The following FHL1 variants were observed in gnomAD, a reference collection of about 807,000 sequenced individuals.
FHL1 encodes four and a half LIM domains protein 1.
In FHL1, 1 loss-of-function variant was observed where a neutral mutation model predicts 20.3. The ratio of observed to expected loss-of-function variants is 0.05; its 90% CI spans 0.02 to 0.23. FHL1 has a LOEUF of 0.23. FHL1 is among the 10% of genes least tolerant of loss of function. The pLI is 1.00. For synonymous variants in FHL1, 82 were observed against 88.9 expected (o/e 0.92, Z 0.44); for missense variants, 177 against 234.0 (o/e 0.76, Z 1.59).
chrX:136,177,717 T>C (rs1402133203), intron 2 of FHL1, among the ~76,000 whole-genome samples: 7 of 112,139 alleles, frequency 6.2e-5, no homozygotes, highest in African/African-American at 2.3e-4. Flanking sequence ...GTATAAAATA[T>C]TAGAGTTCAG....
At chrX:136,151,558 A>G (rs1168879844) in intron 1 of FHL1, among the ~76,000 whole-genome samples, 1 of 111,492 alleles carries the variant, frequency 9.0e-6, no homozygotes, top group East Asian at 2.8e-4. Context: ...CTAAAAATAC[A>G]AAGAATTAGC....
intron 1 of FHL1, among the ~76,000 whole-genome samples, chrX:136,149,712 C>G (rs1050318346): frequency 9.0e-6 from 1 of 111,320 alleles, no homozygotes; most frequent in Non-Finnish European, 1.9e-5. Flanking sequence ...TAAAATTCCT[C>G]CTGTATAATA....
upstream of FHL1, chrX:136,196,614 G>A: frequency 2.4e-6 from 1 of 421,386 alleles, no homozygotes; most frequent in Non-Finnish European, 4.1e-6. Flanking sequence ...TATTCATACT[G>A]TCTAATCTCC....
chrX:136,207,516 GA>G, intron 3 of FHL1: 1 of 428,836 alleles, frequency 2.3e-6, no homozygotes, highest in Middle Eastern at 3.6e-4. Context: ...GGCAGTCCCT[GA>G]TTTAATGTCT....
At chrX:136,206,638 C>G in intron 2 of FHL1, 50 bp downstream of exon 2, 1 of 1,189,056 alleles carries the variant, frequency 8.4e-7, no homozygotes, top group Non-Finnish European at 1.1e-6. Flanking sequence ...TTTGGAGTGT[C>G]CTTTGCCCAC....
chrX:136,208,603 T>C lies in FHL1; in HGVS notation c.698T>C (p.Val233Ala). 1 of 1,211,592 alleles carries C rather than the reference T, an allele frequency of 8.3e-7. No individual in the cohort carries two copies. The highest frequency in any genetic ancestry group is 3.0e-5 in the East Asian group (1 of 33,831). Residue 233 changes from valine (V) to alanine (A), a missense_variant, in exon 5 of 6, where the codon GTG becomes GCG. By Grantham distance (64) the Val-to-Ala change is moderately conservative (BLOSUM62 0). Coordinates refer to ENST00000370683, the MANE Select transcript of FHL1 (RefSeq NM_001159699.2). ...YYCVDCYKNF[V>A]AKKCAGCKNP... ...TGCGTGGATTGCTACAAGAACTTTG[T>C]GGCCAAGAAGTGTGCTGGATGCAAG...
At chrX:136,181,052 T>C (rs958031616) in intron 2 of FHL1, among the ~76,000 whole-genome samples, 4 of 112,661 alleles carry the variant, frequency 3.6e-5, no homozygotes, top group Admixed American at 1.9e-4. Flanking sequence ...CCTGATTGAC[T>C]TTAACATAAG....
At chrX:136,154,399 A>G (rs1380293041) in intron 1 of FHL1, among the ~76,000 whole-genome samples, 2 of 112,532 alleles carry the variant, frequency 1.8e-5, no homozygotes, top group Admixed American at 9.4e-5. Flanking sequence ...TCTAGCTCTC[A>G]GTTTAATTTT....
At chrX:136,196,761 A>G (rs1343972039), upstream of FHL1, 6 of 1,127,241 alleles carry the variant, frequency 5.3e-6, no homozygotes, top group Non-Finnish European at 7.1e-6. Flanking sequence ...CTCAGCGTTA[A>G]GCTATGCCAG....
At chrX:136,153,982 T>C (rs2072344951) in intron 1 of FHL1, among the ~76,000 whole-genome samples, 1 of 111,757 alleles carries the variant, frequency 8.9e-6, no homozygotes, top group African/African-American at 3.3e-5. Flanking sequence ...GGGTAGCTCC[T>C]TCAAATTTCT....
chrX:136,147,435 CT>C (rs1433040436), upstream of FHL1: 7 of 102,380 alleles, frequency 6.8e-5, no homozygotes, highest in Admixed American at 2.0e-4. Flanking sequence ...CCCCGCGCTC[CT>C]GCTTCCTCCC....
chrX:136,201,050 G>C (rs1356403187), intron 1 of FHL1, among the ~76,000 whole-genome samples: 1 of 111,497 alleles, frequency 9.0e-6, no homozygotes, highest in African/African-American at 3.3e-5. Flanking sequence ...TGTAATCCCA[G>C]CTACTTGGGA....
chrX:136,205,183 C>T (rs2073810061), intron 1 of FHL1, among the ~76,000 whole-genome samples: 1 of 111,526 alleles, frequency 9.0e-6, no homozygotes, highest in Non-Finnish European at 1.9e-5. Flanking sequence ...ATATTTGGTA[C>T]CTTTTGGGTG....
intron 1 of FHL1, among the ~76,000 whole-genome samples, chrX:136,162,760 A>G (rs2072607529): frequency 8.9e-6 from 1 of 111,866 alleles, no homozygotes; most frequent in Non-Finnish European, 1.9e-5. Context: ...AATTTGGGTC[A>G]GTGGTTCTCA....
chrX:136,160,422 T>TTTTG (rs781320889), intron 1 of FHL1, among the ~76,000 whole-genome samples: 1 of 111,763 alleles, frequency 8.9e-6, no homozygotes, highest in Non-Finnish European at 1.9e-5. Context: ...TGTTTAGTTT[T>TTTTG]TTTGTTTGTT....
intron 2 of FHL1, among the ~76,000 whole-genome samples, chrX:136,187,397 C>T (rs1220873051): frequency 9.0e-6 from 1 of 111,731 alleles, no homozygotes. Context: ...TGGAAATAAC[C>T]CAAATGTCCA....
chrX:136,211,026 C>T lies in FHL1; in HGVS notation c.*1001C>T, dbSNP rs1177424058. The stretch of plus-strand genomic sequence containing the variant: ...CAGTGACTAGTTGAATCCCTTGTAA[C>T]GTAGTAGTTGTCTGCTCTTTGTCCA... On this transcript the variant is annotated 3_prime_UTR_variant, in exon 6 of 6. Transcript: ENST00000370683. 1 of 375,960 alleles carries T rather than the reference C, an allele frequency of 2.7e-6. No individual in the cohort carries two copies. The highest frequency in any genetic ancestry group is 2.6e-5 in the South Asian group (1 of 38,829). 31.0% of individuals were successfully genotyped at this position (375,960 alleles called of 1,213,427 possible). A position where few individuals can be genotyped will look rare whatever the true frequency, so the allele number is the denominator to read the frequency against.
At chrX:136,209,664 G>A (rs187514969) in intron 5 of FHL1, among the ~76,000 whole-genome samples, 47 of 110,159 alleles carry the variant, frequency 4.3e-4, no homozygotes, top group Admixed American at 1.7e-3. Flanking sequence ...GGGTTGCGGC[G>A]GCATGGGGGA....
At chrX:136,150,708 G>A (rs757334951) in intron 1 of FHL1, among the ~76,000 whole-genome samples, 1 of 112,163 alleles carries the variant, frequency 8.9e-6, no homozygotes, top group Non-Finnish European at 1.9e-5. Flanking sequence ...TCTGTTGGAG[G>A]CTCCATGCTA....
Sources: allele counts gnomAD v4.1 joint callset (sites outside exome capture counted in the v4.1 genomes callset), GRCh38; gene constraint gnomAD v4.1.1; transcripts MANE v1.5; gene names NCBI Gene and HGNC (gene_info 2026-07-23, HGNC 2026-07-21).